The following EXOC4 variants were observed in gnomAD, a reference collection of about 807,000 sequenced individuals.
EXOC4 encodes the protein SEC8-like 1.
In EXOC4, 71 loss-of-function variants were observed where a neutral mutation model predicts 107.2. The observed-to-expected ratio is 0.66, with a 90% confidence interval of 0.55 to 0.81. The LOEUF (loss-of-function observed/expected upper bound fraction) is 0.81, where lower values mean the gene tolerates loss of function less well. Ranked by LOEUF, EXOC4 falls within the 30% of genes least tolerant of loss-of-function variation. The pLI is 0.00. For synonymous variants in EXOC4, 456 were observed against 441.2 expected (o/e 1.03, Z -0.42); for missense variants, 1,108 against 1,189.6 (o/e 0.93, Z 1.01).
intron 13 of EXOC4, among the ~76,000 whole-genome samples, chr7:133,922,546 T>G (rs1179821160): frequency 6.6e-6 from 1 of 152,156 alleles, no homozygotes; most frequent in Non-Finnish European, 1.5e-5. Flanking sequence ...ACAACAAGGT[T>G]TTTAAAAAAT....
intron 17 of EXOC4, among the ~76,000 whole-genome samples, chr7:134,036,402 A>T (rs943676050): frequency 3.3e-5 from 5 of 152,174 alleles, no homozygotes; most frequent in African/African-American, 1.2e-4. Flanking sequence ...AGCCCAGCAA[A>T]TATGAGGAAA....
intron 7 of EXOC4, among the ~76,000 whole-genome samples, chr7:133,472,481 A>G (rs778902829): frequency 6.6e-6 from 1 of 152,178 alleles, no homozygotes; most frequent in Non-Finnish European, 1.5e-5. Context: ...ACCAACAAAC[A>G]AAAAGGAGAC....
chr7:133,578,159 G>A (rs1801173866), intron 9 of EXOC4, among the ~76,000 whole-genome samples: 1 of 152,154 alleles, frequency 6.6e-6, no homozygotes, highest in African/African-American at 2.4e-5. Flanking sequence ...TTGCTTTTCA[G>A]GAAGAGGAGA....
At chr7:133,972,064 G>A (rs112050286) in intron 14 of EXOC4, among the ~76,000 whole-genome samples, 1 of 152,116 alleles carries the variant, frequency 6.6e-6, no homozygotes, top group Admixed American at 6.5e-5. Context: ...CCTGTACATG[G>A]TACCTTACGC....
intron 14 of EXOC4, among the ~76,000 whole-genome samples, chr7:133,981,148 G>A (rs994492487): frequency 6.6e-6 from 1 of 152,158 alleles, no homozygotes; most frequent in Admixed American, 6.5e-5. Flanking sequence ...CTTCAGAGGA[G>A]CCCCCACCAA....
At chr7:133,536,948 A>C (rs564438905) in intron 9 of EXOC4, among the ~76,000 whole-genome samples, 1 of 152,294 alleles carries the variant, frequency 6.6e-6, no homozygotes, top group East Asian at 1.9e-4. Context: ...GATTCGCCAG[A>C]ACTGTATTAC....
intron 9 of EXOC4, among the ~76,000 whole-genome samples, chr7:133,583,423 C>T (rs949682830): frequency 6.6e-6 from 1 of 152,078 alleles, no homozygotes; most frequent in African/African-American, 2.4e-5. Flanking sequence ...TGGTGGCACC[C>T]CAGGGACTGA....
At chr7:133,343,317 G>T (rs1795708342) in intron 5 of EXOC4, among the ~76,000 whole-genome samples, 1 of 152,104 alleles carries the variant, frequency 6.6e-6, no homozygotes, top group Non-Finnish European at 1.5e-5. Context: ...ACCCAGCAGA[G>T]CTACTAGGCT....
intron 11 of EXOC4, among the ~76,000 whole-genome samples, chr7:133,829,850 A>C (rs1266929119): frequency 6.6e-6 from 1 of 152,222 alleles, no homozygotes; most frequent in Non-Finnish European, 1.5e-5. Flanking sequence ...GCATGCAGCC[A>C]GTTCATTAAC....
At chr7:133,558,189 CTCTTTTCTTT>C (rs11275864) in intron 9 of EXOC4, among the ~76,000 whole-genome samples, 11,766 of 114,062 alleles carry the variant, frequency 0.1, 544 homozygotes, top group Non-Finnish European at 0.12. Context: ...TTGGTTCCTT[CTCTTTTCTTT>C]TCTTTTCTTT....
intron 17 of EXOC4, among the ~76,000 whole-genome samples, chr7:134,059,155 T>C (rs1281466609): frequency 6.6e-6 from 1 of 152,170 alleles, no homozygotes; most frequent in African/African-American, 2.4e-5. Context: ...GCAAAGTTTA[T>C]GGAACGCCTA....
At chr7:133,334,342 T>A (rs186446211) in intron 5 of EXOC4, among the ~76,000 whole-genome samples, 2 of 152,306 alleles carry the variant, frequency 1.3e-5, no homozygotes, top group East Asian at 3.9e-4. Context: ...AAGCAAGGAG[T>A]TAAATATATC....
intron 10 of EXOC4, among the ~76,000 whole-genome samples, chr7:133,767,269 A>C (rs1796158588): frequency 6.6e-6 from 1 of 151,992 alleles, no homozygotes; most frequent in Admixed American, 6.6e-5. Context: ...AACGAGTTTA[A>C]AACATGCCTC....
At chr7:133,443,580 GGTGA>G (rs1798152321) in intron 7 of EXOC4, among the ~76,000 whole-genome samples, 1 of 152,082 alleles carries the variant, frequency 6.6e-6, no homozygotes, top group Non-Finnish European at 1.5e-5. Context: ...AGATGCTTTG[GGTGA>G]GTGTTTGTCT....
chr7:133,339,285 TTTTG>T (rs1441500049), intron 5 of EXOC4, among the ~76,000 whole-genome samples: 2 of 152,258 alleles, frequency 1.3e-5, no homozygotes, highest in East Asian at 3.9e-4. Flanking sequence ...TGCTTTATGT[TTTTG>T]TTTGCTTTGT....
intron 10 of EXOC4, among the ~76,000 whole-genome samples, chr7:133,719,669 A>G (rs552969581): frequency 6.6e-6 from 1 of 152,216 alleles, no homozygotes; most frequent in East Asian, 1.9e-4. Flanking sequence ...GATTATTTTA[A>G]TAAGGCATAG....
chr7:133,372,057 C>G (rs891888634), intron 6 of EXOC4, among the ~76,000 whole-genome samples: 9 of 151,990 alleles, frequency 5.9e-5, no homozygotes, highest in African/African-American at 2.2e-4. Context: ...TATTTAAATC[C>G]TTTGTCCATT....
chr7:133,985,507 A>G lies in EXOC4; in HGVS notation c.2207-11985A>G, dbSNP rs1227151471. Among the ~76,000 whole-genome samples the G allele has an allele frequency of 2.0e-5, 3 of 152,186 alleles. No homozygotes were observed. In the East Asian group the frequency reaches 5.8e-4, roughly 29 times the overall value. On this transcript the variant is annotated intron_variant, in intron 14 of 17. Coordinates refer to ENST00000253861, the MANE Select transcript of EXOC4 (RefSeq NM_021807.4). ...CTGCTGTGACTCTAAGATTGCTTTT[A>G]TCTACCACCATCACTCCCAGTCAGA...
intron 14 of EXOC4, among the ~76,000 whole-genome samples, chr7:133,964,729 T>C (rs957419249): frequency 2.6e-5 from 4 of 152,192 alleles, no homozygotes; most frequent in African/African-American, 9.7e-5. Context: ...TAGTCTATCA[T>C]TGATGGGCAT....
Sources: allele counts gnomAD v4.1 joint callset (sites outside exome capture counted in the v4.1 genomes callset), GRCh38; gene constraint gnomAD v4.1.1; transcripts MANE v1.5; gene names NCBI Gene and HGNC (gene_info 2026-07-23, HGNC 2026-07-21).